Variants in SCN9A observed in about 807,000 individuals in gnomAD.
SCN9A encodes sodium voltage-gated channel alpha subunit 9.
SCN9A carries 131 observed loss-of-function variants against 187.0 expected under a neutral mutation model. The observed-to-expected ratio is 0.70, with a 90% CI of 0.61 to 0.81. The LOEUF is 0.81. Among genes scored for constraint, SCN9A ranks in the 30% least tolerant of loss-of-function variants. The pLI, the probability that SCN9A is intolerant of heterozygous loss-of-function variation, is 0.00. For missense variants in SCN9A, 2,252 were observed against 2,396.6 expected (o/e 0.94, Z 1.26); for synonymous variants, 809 against 808.6 (o/e 1.00, Z -0.01).
intron 17 of SCN9A, among the ~76,000 whole-genome samples, chr2:166,256,881 G>A (rs1337720042): frequency 1.3e-5 from 2 of 151,312 alleles, no homozygotes; most frequent in East Asian, 1.9e-4. Flanking sequence ...TTCTACCTAG[G>A]GCACTTTCTA....
At chr2:166,286,076 G>A (rs1279867523) in intron 11 of SCN9A, among the ~76,000 whole-genome samples, 1 of 152,074 alleles carries the variant, frequency 6.6e-6, no homozygotes, top group Admixed American at 6.6e-5. Flanking sequence ...ATGGTTCTCA[G>A]GAACATTTTG....
chr2:166,344,027 G>A (rs1699846566), intron 1 of SCN9A, among the ~76,000 whole-genome samples: 1 of 152,052 alleles, frequency 6.6e-6, no homozygotes. Context: ...GGATCATGGA[G>A]AATTATCTAA....
intron 2 of SCN9A, among the ~76,000 whole-genome samples, chr2:166,307,458 A>C (rs1164982159): frequency 6.6e-6 from 1 of 152,160 alleles, no homozygotes; most frequent in Non-Finnish European, 1.5e-5. Flanking sequence ...AGCTATCTCT[A>C]ATATTTTTAT....
intron 1 of SCN9A, among the ~76,000 whole-genome samples, chr2:166,314,179 G>A (rs1699048936): frequency 6.6e-6 from 1 of 152,182 alleles, no homozygotes; most frequent in Non-Finnish European, 1.5e-5. Flanking sequence ...TGACACAGAT[G>A]CATGAAGTGA....
intron 17 of SCN9A, among the ~76,000 whole-genome samples, chr2:166,266,403 T>C (rs913613471): frequency 7.9e-5 from 12 of 151,406 alleles, no homozygotes; most frequent in Non-Finnish European, 1.6e-4. Flanking sequence ...GGGCTCTCTA[T>C]TCTTATGTAT....
At chr2:166,232,861 A>T (rs1248889577) in intron 21 of SCN9A, among the ~76,000 whole-genome samples, 2 of 147,606 alleles carry the variant, frequency 1.4e-5, no homozygotes, top group Admixed American at 1.4e-4. Flanking sequence ...TATTCTGTAT[A>T]TATTAATATA....
At chr2:166,230,217 C>G (rs943505037) in intron 21 of SCN9A, among the ~76,000 whole-genome samples, 1 of 152,094 alleles carries the variant, frequency 6.6e-6, no homozygotes, top group Non-Finnish European at 1.5e-5. Flanking sequence ...GTTTGTTGAC[C>G]TTTGGTCCAG....
Position 166,199,497 on chromosome 2 carries a change from G to C in SCN9A, c.5142C>G (p.Asp1714Glu). ...LAPILNSKPP[D>E]CDPKKVHPGS... ...CAGGATGAACTTTTTTTGGGTCACA[G>C]TCGGGTGGCTTACTGTTAAGAATAG... Residue 1714 changes from aspartate to glutamate, a missense_variant, in exon 27 of 27, where the codon GAC (aspartate) becomes GAG (glutamate). Physicochemically the swap from Asp to Glu is conservative, Grantham distance 45 (BLOSUM62 2). Transcript: ENST00000642356. 6.2e-7 allele frequency: 1 copy of C among 1,614,170 alleles called. No individual in the cohort carries two copies. The highest frequency in any genetic ancestry group is 1.1e-5 in the South Asian group (1 of 91,080).
intron 1 of SCN9A, among the ~76,000 whole-genome samples, chr2:166,363,230 T>C (rs1393760798): frequency 2.0e-5 from 3 of 152,014 alleles, no homozygotes; most frequent in Admixed American, 6.6e-5. Flanking sequence ...TTCTAAATAG[T>C]AGAAATCATT....
At chr2:166,312,660 T>C (rs2105228999) in intron 1 of SCN9A, among the ~76,000 whole-genome samples, 1 of 152,224 alleles carries the variant, frequency 6.6e-6, no homozygotes, top group Admixed American at 6.5e-5. Context: ...TATTAAAAAA[T>C]AAGACTTAAA....
chr2:166,204,474 CAA>C lies in SCN9A; in HGVS notation c.4399-12_4399-11del. 3.8e-5 allele frequency: 1 copy of C among 26,630 alleles called. No individual in the cohort carries two copies. The allele number at this position is 26,630 out of a possible 1,614,324, so 1.6% of individuals were successfully genotyped here. Reference sequence around the variant, plus strand: ...TGTCTTGACCTCCAAGGTAAAGAAACAAACAAAAAATAAATGTAGTTAAAACC... The same window carrying C: ...TGTCTTGACCTCCAAGGTAAAGAAACACAAAAAATAAATGTAGTTAAAACC... On this transcript the variant is annotated splice_polypyrimidine_tract_variant and intron_variant, in intron 24 of 26. Coordinates refer to ENST00000642356, the MANE Select transcript of SCN9A (RefSeq NM_001365536.1).
intron 15 of SCN9A, among the ~76,000 whole-genome samples, 151 bp from the exon 16 acceptor site, chr2:166,277,490 T>A (rs1697288154): frequency 6.6e-6 from 1 of 152,184 alleles, no homozygotes; most frequent in South Asian, 2.1e-4. Context: ...TTCATTTTCA[T>A]CAATTTTCAA....
chr2:166,281,810 TAA>T lies in SCN9A; in HGVS notation c.1975-4_1975-3del. On this transcript the variant is annotated splice_polypyrimidine_tract_variant and splice_region_variant and intron_variant, in intron 12 of 26. Transcript: ENST00000642356. ...CTTGTGTATTTGATTGGTCGTGCCC[TAA>T]AAAAAAAATCAATTAATGTCTTAAG... The T allele has an allele frequency of 1.4e-6, 2 of 1,427,262 alleles. No individual in the cohort carries two copies. Among genetic ancestry groups the T allele is most frequent in the Middle Eastern group, 1.8e-4 (1 of 5,426 alleles). 88.4% of individuals were successfully genotyped at this position (1,427,262 alleles called of 1,614,324 possible).
intron 13 of SCN9A, 92 bp from the exon 14 acceptor site, chr2:166,280,687 CA>C (rs1454676976): frequency 1.4e-6 from 1 of 738,638 alleles, no homozygotes; most frequent in Non-Finnish European, 2.2e-6. Context: ...AATATTGAAA[CA>C]AGGTTTATAG....
chr2:166,310,701 G>T lies in SCN9A; in HGVS notation c.258+798C>A, dbSNP rs1698913524. ...GAAGTCAGTGTGGCGATTCCTCAGG[G>T]ATCTAGAACTAGAAATACCATTTGA... is the stretch of plus-strand genomic sequence containing the variant. On this transcript the variant is annotated intron_variant, in intron 2 of 26. Coordinates refer to ENST00000642356, the MANE Select transcript of SCN9A (RefSeq NM_001365536.1). Among the ~76,000 whole-genome samples, 3 of 134,716 alleles carry T rather than the reference G, an allele frequency of 2.2e-5. 1 individual carries two copies. The Admixed American group carries it at 2.2e-4, about 10-fold the overall frequency. 88.4% of individuals were successfully genotyped at this position (134,716 alleles called of 152,430 possible). A position where few individuals can be genotyped will look rare whatever the true frequency, so the allele number is the denominator to read the frequency against.
At chr2:166,247,576 G>A (rs2106418605) in intron 18 of SCN9A, among the ~76,000 whole-genome samples, 1 of 152,142 alleles carries the variant, frequency 6.6e-6, no homozygotes, top group East Asian at 1.9e-4. Flanking sequence ...GAGTGCAGTA[G>A]CAGGATCTCA....
At chr2:166,276,741 C>A (rs992658892) in intron 16 of SCN9A, 6 of 244,972 alleles carry the variant, frequency 2.4e-5, no homozygotes, top group Non-Finnish European at 4.6e-5. Context: ...AAGATAGAAA[C>A]CTTTGCCTTA....
At chr2:166,210,182 T>G (rs2106357046) in intron 24 of SCN9A, among the ~76,000 whole-genome samples, 1 of 152,124 alleles carries the variant, frequency 6.6e-6, no homozygotes, top group East Asian at 1.9e-4. Flanking sequence ...CTGGAAACCA[T>G]CATTCTCAGC....
intron 1 of SCN9A, among the ~76,000 whole-genome samples, chr2:166,342,740 T>A (rs1386630422): frequency 6.6e-6 from 1 of 152,218 alleles, no homozygotes; most frequent in African/African-American, 2.4e-5. Flanking sequence ...TTTTTTATTT[T>A]ATCATTATTT....
Sources: allele counts gnomAD v4.1 joint callset (sites outside exome capture counted in the v4.1 genomes callset), GRCh38; gene constraint gnomAD v4.1.1; transcripts MANE v1.5; gene names NCBI Gene and HGNC (gene_info 2026-07-23, HGNC 2026-07-21).